Variants in MAGI3 observed in about 807,000 individuals in gnomAD.
MAGI3 encodes the protein membrane associated guanylate kinase, WW and PDZ domain containing 3.
A neutral mutation model predicts 121.8 loss-of-function variants in MAGI3; 43 were observed. That is an observed-to-expected ratio of 0.35 (90% CI 0.28 to 0.46). The LOEUF (loss-of-function observed/expected upper bound fraction) is 0.46. MAGI3 is among the 20% of genes least tolerant of loss of function. The probability of loss-of-function intolerance (pLI) is 1.00; values close to 1 mark genes in which losing one functional copy is unlikely to be tolerated. For missense variants in MAGI3, 1,547 were observed against 1,797.3 expected (o/e 0.86, Z 2.52); for synonymous variants, 553 against 639.3 (o/e 0.86, Z 2.04).
chr1:113,630,873 C>A (rs1651584023), intron 9 of MAGI3, among the ~76,000 whole-genome samples: 2 of 152,150 alleles, frequency 1.3e-5, no homozygotes, highest in Non-Finnish European at 2.9e-5. Flanking sequence ...TGTCTCTGAT[C>A]CCAGCTCAGC....
chr1:113,520,216 A>G (rs1658110839), intron 1 of MAGI3, among the ~76,000 whole-genome samples: 2 of 152,176 alleles, frequency 1.3e-5, no homozygotes, highest in Admixed American at 1.3e-4. Context: ...ATGTTACAAA[A>G]TGATCACAAT....
At chr1:113,641,080 TGA>T (rs879879382) in intron 9 of MAGI3, among the ~76,000 whole-genome samples, 20,933 of 96,140 alleles carry the variant, frequency 0.22, 5,632 homozygotes, top group African/African-American at 0.35. Flanking sequence ...ATAATATATA[TGA>T]GATATATATT....
rs759666329 is a variant in MAGI3 at position 113,626,634 on chromosome 1, C to T, written c.1360+3640C>T. Among the ~76,000 whole-genome samples the T allele has an allele frequency of 2.0e-5, 3 of 152,058 alleles. No individual in the cohort carries two copies. In the South Asian group the frequency reaches 6.2e-4, roughly 32 times the overall value. Reference sequence around the variant, plus strand: ...TTATGGCTTCAATCTTGTTGCTTGTCATTGGTCTGTTCAGGTTTTAGATTT... The same window carrying T: ...TTATGGCTTCAATCTTGTTGCTTGTTATTGGTCTGTTCAGGTTTTAGATTT... On this transcript the variant is annotated intron_variant, in intron 9 of 20. Coordinates refer to ENST00000307546, the MANE Select transcript of MAGI3 (RefSeq NM_001142782.2).
chr1:113,672,713 T>C lies in MAGI3; in HGVS notation c.3017T>C (p.Ile1006Thr). Residue 1006 changes from isoleucine (I) to threonine (T), a missense_variant, in exon 18 of 21, where the codon ATT becomes ACT. Physicochemically the swap from Ile to Thr is moderately conservative, Grantham distance 89. Coordinates refer to ENST00000307546, the MANE Select transcript of MAGI3 (RefSeq NM_001142782.2). ...KHLAQPDTAV[I>T]SVVGSRHNQN... ...CTTGCACAGCCTGACACCGCAGTAA[T>C]TTCAGTTGTAGGCAGTCGGCACAAT... 1.2e-6 allele frequency: 2 copies of C among 1,613,304 alleles called. No homozygotes were observed. Among genetic ancestry groups the C allele is most frequent in the Non-Finnish European group, 1.7e-6 (2 of 1,179,660 alleles).
rs541035527 is a variant in MAGI3 at position 113,431,250 on chromosome 1, C to T, written c.316+39901C>T. ...GGATCATTGCTTGAGCCCAAGAGTT[C>T]GAAGTTACGGTGAGCTATGTTCATG... On this transcript the variant is annotated intron_variant, in intron 1 of 20. Coordinates refer to ENST00000307546, the MANE Select transcript of MAGI3 (RefSeq NM_001142782.2). Among the ~76,000 whole-genome samples, 8 of 152,278 alleles carry T rather than the reference C, an allele frequency of 5.3e-5. No individual in the cohort carries two copies. In the South Asian group the frequency reaches 1.4e-3, roughly 28 times the overall value.
At chr1:113,534,261 T>C (rs1429455877) in intron 1 of MAGI3, among the ~76,000 whole-genome samples, 1 of 152,230 alleles carries the variant, frequency 6.6e-6, no homozygotes, top group African/African-American at 2.4e-5. Context: ...GTTGCCAGAA[T>C]GATCCATCTA....
In MAGI3 at chr1:113,683,953, G is replaced by A. The variant is rs370236916; in HGVS notation, c.4385G>A (p.Trp1462Ter). 3 of 1,605,848 alleles carry A rather than the reference G, an allele frequency of 1.9e-6. No homozygotes were observed. The African/African-American group carries it at 4.0e-5, about 22-fold the overall frequency. The change falls in exon 21 of 21, where the codon TGG (tryptophan) becomes TAG (stop). Residue 1462 changes from tryptophan to a stop codon, truncating the protein, a stop_gained. Coordinates refer to ENST00000307546, the MANE Select transcript of MAGI3 (RefSeq NM_001142782.2). LOFTEE classifies it high-confidence loss of function. ...AAAACACTGATAACTCCAGGGCCCT[G>A]GAAGGTTCCAAGTGGAAATAAAGTC... Reference protein sequence around the residue: ...VKKTLITPGPWKVPSGNKVTG... With the variant: ...VKKTLITPGP
At chr1:113,411,067 T>A (rs1049549085) in intron 1 of MAGI3, among the ~76,000 whole-genome samples, 1 of 152,168 alleles carries the variant, frequency 6.6e-6, no homozygotes, top group Non-Finnish European at 1.5e-5. Context: ...ATTTCCATTT[T>A]AAAAAGTTGA....
intron 2 of MAGI3, among the ~76,000 whole-genome samples, chr1:113,551,098 A>G (rs548592132): frequency 6.6e-6 from 1 of 152,284 alleles, no homozygotes; most frequent in South Asian, 2.1e-4. Flanking sequence ...ATTGAGTTCA[A>G]AATCTTTACT....
At position 113,683,767 on chromosome 1, in the gene MAGI3, TAGG is replaced by T; in HGVS notation, c.4202_4204del (p.Gly1401del). 7 of 1,604,376 alleles carry T rather than the reference TAGG, an allele frequency of 4.4e-6. No homozygotes were observed. Among genetic ancestry groups the T allele is most frequent in the Non-Finnish European group, 4.3e-6 (5 of 1,175,108 alleles). On this transcript the variant is annotated inframe_deletion, in exon 21 of 21. Transcript: ENST00000307546. ...GAAACAAGTTCTAGTAACGATAAAATAGGAGAAAATGTCCAGCTATCAGAAAAG... is the reference window on the plus strand; with the variant it reads ...GAAACAAGTTCTAGTAACGATAAAATAGAAAATGTCCAGCTATCAGAAAAG...
chr1:113,419,303 T>C (rs917687578), intron 1 of MAGI3, among the ~76,000 whole-genome samples: 2 of 152,146 alleles, frequency 1.3e-5, no homozygotes, highest in Non-Finnish European at 2.9e-5. Context: ...TAAATCCTTA[T>C]AGATGGGAAA....
chr1:113,571,707 G>A (rs1470902454), intron 2 of MAGI3, among the ~76,000 whole-genome samples: 6 of 152,140 alleles, frequency 3.9e-5, no homozygotes, highest in African/African-American at 1.4e-4. Flanking sequence ...TATCATTGGT[G>A]TATAGGAATG....
At chr1:113,404,209 T>C (rs971658061) in intron 1 of MAGI3, 1 of 152,106 alleles carries the variant, frequency 6.6e-6, no homozygotes, top group Non-Finnish European at 1.5e-5. Context: ...TATTGGCTGG[T>C]CAGCAACCTG....
chr1:113,616,992 G>C (rs1182211972), intron 7 of MAGI3, among the ~76,000 whole-genome samples: 1 of 150,950 alleles, frequency 6.6e-6, no homozygotes, highest in Non-Finnish European at 1.5e-5. Context: ...CCAGGTTCAA[G>C]TGATTCTCGT....
chr1:113,462,352 C>A (rs1655077178), intron 1 of MAGI3, among the ~76,000 whole-genome samples: 1 of 152,266 alleles, frequency 6.6e-6, no homozygotes, highest in South Asian at 2.1e-4. Flanking sequence ...AAATGTGGCA[C>A]CTAAATACCA....
At chr1:113,599,020 G>C (rs1649198593) in intron 6 of MAGI3, among the ~76,000 whole-genome samples, 1 of 152,158 alleles carries the variant, frequency 6.6e-6, no homozygotes, top group Non-Finnish European at 1.5e-5. Context: ...ATGTGTCCCA[G>C]AGATTCTGGT....
chr1:113,483,857 G>A (rs1387041572), intron 1 of MAGI3, among the ~76,000 whole-genome samples: 1 of 152,012 alleles, frequency 6.6e-6, no homozygotes, highest in Non-Finnish European at 1.5e-5. Context: ...TTATTTTGCT[G>A]CAAAAGCACA....
chr1:113,496,824 T>C (rs1226501727), intron 1 of MAGI3, among the ~76,000 whole-genome samples: 1 of 152,218 alleles, frequency 6.6e-6, no homozygotes, highest in African/African-American at 2.4e-5. Context: ...CTGTATACAT[T>C]TTTTTAAAGT....
intron 1 of MAGI3, among the ~76,000 whole-genome samples, chr1:113,464,620 G>A (rs1427634660): frequency 2.6e-5 from 4 of 152,128 alleles, no homozygotes; most frequent in South Asian, 2.1e-4. Context: ...CACCAACAAT[G>A]TATAAGGGTT....
Sources: allele counts gnomAD v4.1 joint callset (sites outside exome capture counted in the v4.1 genomes callset), GRCh38; gene constraint gnomAD v4.1.1; transcripts MANE v1.5; gene names NCBI Gene and HGNC (gene_info 2026-07-23, HGNC 2026-07-21).